The following CCAR1 variants were observed in gnomAD, a reference collection of about 807,000 sequenced individuals.
The protein encoded by CCAR1 is cell division cycle and apoptosis regulator protein 1.
A neutral mutation model predicts 163.8 loss-of-function variants in CCAR1; 78 were observed. That is an observed-to-expected ratio of 0.48 (90% CI 0.40 to 0.57). CCAR1 has a LOEUF of 0.57. Ranked by LOEUF, CCAR1 falls within the 20% of genes least tolerant of loss-of-function variation. The pLI is 0.00. For synonymous variants in CCAR1, 443 were observed against 460.7 expected (o/e 0.96, Z 0.49); for missense variants, 1,019 against 1,365.2 (o/e 0.75, Z 4.00).
intron 9 of CCAR1, 57 bp downstream of exon 9, chr10:68,749,322 A>T: frequency 6.7e-7 from 1 of 1,498,766 alleles, no homozygotes; most frequent in Non-Finnish European, 9.0e-7. Flanking sequence ...CAATGGAAAC[A>T]TAGTTAATGC....
rs996356627 is a variant in CCAR1 at position 68,772,491 on chromosome 10, CA to C, written c.2539-485del. Among the ~76,000 whole-genome samples the C allele has an allele frequency of 7.2e-3, 970 of 134,584 alleles. 5 individuals are homozygous for C. Among genetic ancestry groups the C allele is most frequent in the African/African-American group, 0.022 (818 of 36,838 alleles). 88.3% of individuals were successfully genotyped at this position (134,584 alleles called of 152,430 possible). On this transcript the variant is annotated intron_variant, in intron 18 of 24. Transcript: ENST00000265872. ...AAGTGAGACTGTGTCTCAAAAAAAA[CA>C]AAAAAAAAAAAGTAATTTGCAATGT...
intron 23 of CCAR1, 76 bp downstream of exon 23, chr10:68,788,404 A>G: frequency 1.0e-6 from 1 of 987,260 alleles, no homozygotes; most frequent in Non-Finnish European, 1.4e-6. Context: ...GTGTACATAC[A>G]TATATACGTA....
rs141695810 is a variant in CCAR1, at chr10:68,773,535, G to A, written c.2650+436G>A. Among the ~76,000 whole-genome samples, 772 of 152,048 alleles carry A rather than the reference G, an allele frequency of 5.1e-3. 15 individuals carry two copies. The highest frequency in any genetic ancestry group is 0.047 in the South Asian group (228 of 4,812). ...AAAATTAGCCAGGCGGTAGTGGCGC[G>A]TGCCTATAATCCCAGGTATACTCTG... On this transcript the variant is annotated intron_variant, in intron 19 of 24. Transcript: ENST00000265872.
intron 2 of CCAR1, among the ~76,000 whole-genome samples, chr10:68,724,419 C>T (rs769278548): frequency 3.3e-5 from 5 of 151,992 alleles, no homozygotes; most frequent in Admixed American, 6.6e-5. Flanking sequence ...GAGCTGATAT[C>T]GCAACGCTAC....
chr10:68,783,797 G>A (rs904100853), intron 19 of CCAR1, among the ~76,000 whole-genome samples: 21 of 151,428 alleles, frequency 1.4e-4, no homozygotes, highest in Admixed American at 1.3e-4. Flanking sequence ...TTGCTCTGTC[G>A]CCCAGGCTAG....
rs571120741 is a variant in CCAR1, at chr10:68,760,228, A to G, written c.1921-779A>G. Among the ~76,000 whole-genome samples the G allele has an allele frequency of 3.3e-5, 5 of 152,132 alleles. No homozygotes were observed. In the East Asian group the frequency reaches 9.7e-4, roughly 29 times the overall value. ...GGAGTGCAGTGCATAGTTCACTGGA[A>G]CCTTAAACTCCTGGGCTCAAGCAGT... On this transcript the variant is annotated intron_variant, in intron 15 of 24. Coordinates refer to ENST00000265872, the MANE Select transcript of CCAR1 (RefSeq NM_018237.4).
Position 68,789,857 on chromosome 10 carries a change from A to T in CCAR1, c.3335A>T (p.Asn1112Ile), listed in dbSNP as rs760092508. The change falls in exon 24 of 25, where the codon AAT becomes ATT. Residue 1112 changes from asparagine (N) to isoleucine (I), a missense_variant. By Grantham distance (149) the Asn-to-Ile change is moderately radical (BLOSUM62 -3). This residue lies in a region of CCAR1 where 358 missense variants were observed against 406.4 expected (regional missense o/e 0.88). Coordinates refer to ENST00000265872, the MANE Select transcript of CCAR1 (RefSeq NM_018237.4). ...NMNLQFENQM[N>I]KTIRNLSTVM... ...AATTTACAATTTGAAAACCAAATGA[A>T]TAAGACAATCAGAAACTTATCTACG... The T allele has an allele frequency of 6.2e-7, 1 of 1,606,300 alleles. No individual in the cohort carries two copies. The highest frequency in any genetic ancestry group is 2.2e-5 in the East Asian group (1 of 44,740).
At chr10:68,742,246 A>G (rs2056192602) in intron 5 of CCAR1, 130 bp from the exon 6 acceptor site, 2 of 631,320 alleles carry the variant, frequency 3.2e-6, no homozygotes. Context: ...CCTGACTCTC[A>G]AGATGTACAT....
chr10:68,752,004 C>T (rs1425811309), intron 10 of CCAR1, among the ~76,000 whole-genome samples: 1 of 147,530 alleles, frequency 6.8e-6, no homozygotes, highest in Non-Finnish European at 1.5e-5. Flanking sequence ...GCAAGCTTTG[C>T]CTCCCGGGTT....
chr10:68,749,831 C>A, intron 10 of CCAR1, 146 bp downstream of exon 10: 1 of 678,262 alleles, frequency 1.5e-6, no homozygotes, highest in Non-Finnish European at 2.5e-6. Context: ...TTTGAAATAA[C>A]TTAATTATCT....
At chr10:68,763,620 G>C (rs2056501928) in intron 16 of CCAR1, among the ~76,000 whole-genome samples, 1 of 151,972 alleles carries the variant, frequency 6.6e-6, no homozygotes, top group Non-Finnish European at 1.5e-5. Context: ...GCTAATTTTT[G>C]TATTTTTAGT....
chr10:68,736,436 T>A (rs138287751), intron 2 of CCAR1, among the ~76,000 whole-genome samples: 15 of 152,284 alleles, frequency 9.9e-5, no homozygotes, highest in Admixed American at 4.6e-4. Context: ...ACAATGGGTA[T>A]CTTGAACATT....
Position 68,756,157 on chromosome 10 carries a change from G to T in CCAR1, c.1626-116G>T. On this transcript the variant is annotated intron_variant, in intron 13 of 24. Transcript: ENST00000265872. This position sits in a 1 kb window ranked among gnomAD's most constrained non-coding sequence, Gnocchi z 5.1. ...GGCTTCTATAATTTTTTTTTCTTTAGACCAACCTCAAGTTCTTGCAGCAAA... is the reference window on the plus strand; with the variant it reads ...GGCTTCTATAATTTTTTTTTCTTTATACCAACCTCAAGTTCTTGCAGCAAA... 4 of 714,876 alleles carry T rather than the reference G, an allele frequency of 5.6e-6. No homozygotes were observed. The highest frequency in any genetic ancestry group is 2.7e-5 in the East Asian group (1 of 37,080). The allele number at this position is 714,876 out of a possible 1,614,324, so 44.3% of individuals were successfully genotyped here.
intron 8 of CCAR1, 85 bp downstream of exon 8, chr10:68,747,651 G>A (rs2056274982): frequency 7.9e-6 from 10 of 1,273,656 alleles, no homozygotes; most frequent in Non-Finnish European, 1.1e-5. Context: ...AAAAAGGCAG[G>A]GATTTCAAGA....
At position 68,737,876 on chromosome 10, in the gene CCAR1, G is replaced by A; in HGVS notation, c.278G>A (p.Ser93Asn). The change falls in exon 4 of 25, where the codon AGT becomes AAT. Residue 93 changes from serine (S) to asparagine (N), a missense_variant. Physicochemically the swap from Ser to Asn is conservative, Grantham distance 46. Coordinates refer to ENST00000265872, the MANE Select transcript of CCAR1 (RefSeq NM_018237.4). Reference protein sequence around the residue: ...QYSQPQQALYSVQQQLQQPQQ... With the variant: ...QYSQPQQALYNVQQQLQQPQQ... ...TCACAACCTCAGCAGGCCCTGTATA[G>A]TGTGCAACAACAGGTTAGTTTATAT... 2 of 1,594,378 alleles carry A rather than the reference G, an allele frequency of 1.3e-6. No homozygotes were observed. The highest frequency in any genetic ancestry group is 1.1e-5 in the South Asian group (1 of 87,106).
chr10:68,766,605 C>A (rs2056538999), intron 17 of CCAR1, among the ~76,000 whole-genome samples: 1 of 152,026 alleles, frequency 6.6e-6, no homozygotes, highest in South Asian at 2.1e-4. Flanking sequence ...CTGCTCACTG[C>A]AACCTCCGCC....
chr10:68,783,696 A>G (rs117879798), intron 19 of CCAR1, among the ~76,000 whole-genome samples: 2,820 of 152,260 alleles, frequency 0.019, 37 homozygotes, highest in Non-Finnish European at 0.03. Context: ...AAAATTAGAA[A>G]TGCAGCCTGA....
At chr10:68,781,677 A>G (rs1339364396) in intron 19 of CCAR1, among the ~76,000 whole-genome samples, 1 of 152,092 alleles carries the variant, frequency 6.6e-6, no homozygotes, top group Non-Finnish European at 1.5e-5. Flanking sequence ...CAACATAGTG[A>G]TACCCCATCT....
intron 19 of CCAR1, among the ~76,000 whole-genome samples, chr10:68,780,308 C>G (rs773539905): frequency 1.3e-5 from 2 of 152,258 alleles, no homozygotes; most frequent in Admixed American, 6.5e-5. Context: ...GATTCTCTCA[C>G]TTTAGTTCCC....
Sources: allele counts gnomAD v4.1 joint callset (sites outside exome capture counted in the v4.1 genomes callset), GRCh38; gene constraint gnomAD v4.1.1; regional missense constraint gnomAD v4.1.1; non-coding constraint Gnocchi (gnomAD v3.1); transcripts MANE v1.5; gene names NCBI Gene and HGNC (gene_info 2026-07-23, HGNC 2026-07-21).